The following GNG2 variants were observed in gnomAD, a reference collection of about 807,000 sequenced individuals.
GNG2 encodes the protein G protein subunit gamma 2, also known as guanine nucleotide-binding protein G(I)/G(S)/G(O) subunit gamma-2.
A neutral mutation model predicts 5.5 loss-of-function variants in GNG2; 5 were observed. That is an observed-to-expected ratio of 0.91 (90% CI 0.48 to 1.92). The LOEUF (loss-of-function observed/expected upper bound fraction) is 1.92. Among genes scored for constraint, GNG2 ranks in the 30% most tolerant of loss-of-function variants. The pLI, the probability that GNG2 is intolerant of heterozygous loss-of-function variation, is 0.01. For synonymous variants in GNG2, 28 were observed against 32.0 expected (o/e 0.88, Z 0.42); for missense variants, 55 against 88.4 (o/e 0.62, Z 1.52).
At chr14:51,886,410 T>C (rs1263094613) in intron 2 of GNG2, among the ~76,000 whole-genome samples, 3 of 152,190 alleles carry the variant, frequency 2.0e-5, no homozygotes, top group Non-Finnish European at 4.4e-5. Flanking sequence ...CCCATGAATG[T>C]CAGTGTTTTC....
rs573975308 is a variant in GNG2 at position 51,899,914 on chromosome 14, A to G, written c.-30+22257A>G. ...GTTTTGTTTCCCCATTCACCCATCA[A>G]TGGACACTTGGGTTGCTTCCACCTT... On this transcript the variant is annotated intron_variant, in intron 2 of 3. Transcript: ENST00000556766. 2.0e-5 allele frequency among the ~76,000 whole-genome samples: 3 copies of G among 152,316 alleles called. No homozygotes were observed. In the South Asian group the frequency reaches 6.2e-4, roughly 32 times the overall value.
chr14:51,860,974 C>A (rs549376682), intron 1 of GNG2, among the ~76,000 whole-genome samples, 184 bp downstream of exon 1: 3 of 152,222 alleles, frequency 2.0e-5, no homozygotes, highest in South Asian at 4.1e-4. Context: ...TTTAAAAAAA[C>A]CTCATCATCA....
intron 2 of GNG2, among the ~76,000 whole-genome samples, chr14:51,920,402 G>A (rs1886947185): frequency 6.6e-6 from 1 of 150,948 alleles, no homozygotes; most frequent in Admixed American, 6.6e-5. Flanking sequence ...TAAGTAAATA[G>A]TTATTATACT....
In GNG2 at chr14:51,878,492, A is replaced by C. The variant is rs547839604; in HGVS notation, c.-30+835A>C. On this transcript the variant is annotated intron_variant, in intron 2 of 3. Coordinates refer to ENST00000556766, the MANE Select transcript of GNG2 (RefSeq NM_053064.5). ...GTGCTTGCTGAATTGTTGGGCTTTT[A>C]ATTGTTTATTTACATAACTGTTTAG... Among the ~76,000 whole-genome samples, 10 of 152,176 alleles carry C rather than the reference A, an allele frequency of 6.6e-5. No homozygotes were observed. The South Asian group carries it at 2.1e-3, about 32-fold the overall frequency.
intron 3 of GNG2, among the ~76,000 whole-genome samples, chr14:51,965,300 G>A (rs573250570): frequency 6.6e-6 from 1 of 152,304 alleles, no homozygotes; most frequent in African/African-American, 2.4e-5. Context: ...TTACTTGACA[G>A]GCGTTCGTAG....
At chr14:51,959,674 A>C (rs982278694) in intron 3 of GNG2, among the ~76,000 whole-genome samples, 1 of 151,954 alleles carries the variant, frequency 6.6e-6, no homozygotes, top group Non-Finnish European at 1.5e-5. Flanking sequence ...GTTAGAATGT[A>C]AGTCAATGGG....
intron 2 of GNG2, among the ~76,000 whole-genome samples, chr14:51,939,423 TA>T (rs1435229546): frequency 6.6e-6 from 1 of 152,214 alleles, no homozygotes; most frequent in African/African-American, 2.4e-5. Context: ...CTTGTAAAGT[TA>T]ATGTTTTCAA....
At chr14:51,858,889 A>G (rs1882287706), upstream of GNG2, among the ~76,000 whole-genome samples, 1 of 152,208 alleles carries the variant, frequency 6.6e-6, no homozygotes, top group Non-Finnish European at 1.5e-5. Flanking sequence ...AGTTGACATC[A>G]GGGTCCTTTT....
chr14:51,899,148 C>G (rs911004287), intron 2 of GNG2, among the ~76,000 whole-genome samples: 1 of 152,138 alleles, frequency 6.6e-6, no homozygotes, highest in Non-Finnish European at 1.5e-5. Flanking sequence ...TGTCCTGACC[C>G]CTTTCTGACA....
chr14:51,920,699 G>A (rs1456225417), intron 2 of GNG2, among the ~76,000 whole-genome samples: 1 of 152,158 alleles, frequency 6.6e-6, no homozygotes, highest in Admixed American at 6.5e-5. Context: ...TCCTTGAATG[G>A]TTCTTATTCC....
intron 1 of GNG2, among the ~76,000 whole-genome samples, chr14:51,866,768 C>T (rs572256269): frequency 3.3e-5 from 5 of 152,336 alleles, no homozygotes; most frequent in Non-Finnish European, 5.9e-5. Flanking sequence ...CAATCACCTC[C>T]AAAGGTGGCC....
At chr14:51,858,482 A>C (rs534166635), upstream of GNG2, among the ~76,000 whole-genome samples, 1 of 152,198 alleles carries the variant, frequency 6.6e-6, no homozygotes, top group Non-Finnish European at 1.5e-5. Context: ...TATAGGCTTA[A>C]GTATAAATAC....
intron 2 of GNG2, among the ~76,000 whole-genome samples, chr14:51,947,037 C>T (rs1025104957): frequency 9.2e-5 from 14 of 152,300 alleles, no homozygotes; most frequent in Non-Finnish European, 1.6e-4. Flanking sequence ...CTGCCTAAAA[C>T]TAGGAGCACA....
intron 3 of GNG2, among the ~76,000 whole-genome samples, chr14:51,954,656 C>T (rs145652787): frequency 6.6e-6 from 1 of 152,212 alleles, no homozygotes; most frequent in East Asian, 1.9e-4. Flanking sequence ...ACTGGAAGGC[C>T]ATTGAGAACT....
chr14:51,966,015 C>T (rs983359561), intron 3 of GNG2, among the ~76,000 whole-genome samples: 1 of 151,746 alleles, frequency 6.6e-6, no homozygotes, highest in African/African-American at 2.4e-5. Flanking sequence ...TCAAGACCAG[C>T]CTGGCCAACG....
chr14:51,876,102 T>C (rs1415027058), intron 1 of GNG2, among the ~76,000 whole-genome samples: 1 of 152,038 alleles, frequency 6.6e-6, no homozygotes, highest in Non-Finnish European at 1.5e-5. Context: ...CATGCCTGGC[T>C]AACTTTTGAC....
chr14:51,969,203 T>A lies in GNG2; in HGVS notation c.*2516T>A, dbSNP rs922604009. On this transcript the variant is annotated 3_prime_UTR_variant, in exon 4 of 4. Coordinates refer to ENST00000556766, the MANE Select transcript of GNG2 (RefSeq NM_053064.5). ...AAGGCCCTAGTTTCTACATATAATA[T>A]ATTCGATAGAAATGAAAATCTGCCG... 6.6e-6 allele frequency: 1 copy of A among 152,202 alleles called. No individual in the cohort carries two copies. The highest frequency in any genetic ancestry group is 2.4e-5 in the African/African-American group (1 of 41,464). The allele number at this position is 152,202 out of a possible 1,614,324, so 9.4% of individuals were successfully genotyped here.
At chr14:51,915,535 G>T (rs1383503970) in intron 2 of GNG2, among the ~76,000 whole-genome samples, 1 of 152,192 alleles carries the variant, frequency 6.6e-6, no homozygotes, top group South Asian at 2.1e-4. Context: ...TGGAAAATTA[G>T]GGAGGGGAAA....
At chr14:51,851,143 A>C (rs1881889913) in intron 2 of GNG2, among the ~76,000 whole-genome samples, 1 of 152,258 alleles carries the variant, frequency 6.6e-6, no homozygotes, top group Admixed American at 6.5e-5. Flanking sequence ...TTTGTCCTCC[A>C]TCAGCCCTAG....
Sources: gnomAD v4.1 joint callset for allele counts (sites outside exome capture counted in the v4.1 genomes callset) on GRCh38, gnomAD v4.1.1 for gene constraint, MANE v1.5 for transcripts, NCBI Gene and HGNC (gene_info 2026-07-23, HGNC 2026-07-21) for gene names.